The following NKIRAS1 variants were observed in gnomAD, a reference collection of about 807,000 sequenced individuals.
NKIRAS1 encodes NF-kappa-B inhibitor-interacting Ras-like protein 1.
NKIRAS1 carries 16 observed loss-of-function variants against 19.8 expected under a neutral mutation model. The observed-to-expected ratio is 0.81, with a 90% CI of 0.55 to 1.23. The LOEUF (loss-of-function observed/expected upper bound fraction) is 1.23. NKIRAS1 is among the 50% of genes most tolerant of loss of function. The pLI, the probability that NKIRAS1 is intolerant of heterozygous loss-of-function variation, is 0.00. For missense variants in NKIRAS1, 184 were observed against 220.0 expected, an observed-to-expected ratio of 0.84 and a Z score of 1.04; for synonymous variants, 88 against 79.0, an observed-to-expected ratio of 1.11 and a Z score of -0.61.
upstream of NKIRAS1, chr3:23,918,524 A>G: frequency 2.5e-6 from 4 of 1,614,044 alleles, no homozygotes; most frequent in Non-Finnish European, 3.4e-6. Flanking sequence ...AAGCCTGTCC[A>G]TCATGGTGTT....
chr3:23,912,470 G>A (rs1703854097), intron 1 of NKIRAS1, among the ~76,000 whole-genome samples: 1 of 152,168 alleles, frequency 6.6e-6, no homozygotes, highest in Non-Finnish European at 1.5e-5. Flanking sequence ...TCAGAGAAAT[G>A]CAAATCAAAA....
chr3:23,909,199 A>G (rs935270053), intron 3 of NKIRAS1, among the ~76,000 whole-genome samples: 2 of 152,204 alleles, frequency 1.3e-5, no homozygotes, highest in African/African-American at 2.4e-5. Flanking sequence ...CTAGAAGAGA[A>G]GCAGAGCACA....
chr3:23,898,800 G>A (rs1045385642), intron 4 of NKIRAS1, among the ~76,000 whole-genome samples: 2 of 152,116 alleles, frequency 1.3e-5, no homozygotes, highest in African/African-American at 4.8e-5. Flanking sequence ...GCTGGTACCA[G>A]TCCAGGGCCT....
intron 4 of NKIRAS1, among the ~76,000 whole-genome samples, chr3:23,898,068 G>A (rs1702153683): frequency 6.6e-6 from 1 of 152,070 alleles, no homozygotes; most frequent in Admixed American, 6.6e-5. Flanking sequence ...GTACGTGAGT[G>A]TTCATTGACC....
upstream of NKIRAS1, chr3:23,921,624 G>T (rs1454063478): frequency 2.9e-6 from 2 of 684,502 alleles, no homozygotes; most frequent in African/African-American, 1.8e-5. Flanking sequence ...ACTCAGGTGG[G>T]AGTGCAGTGG....
intron 1 of NKIRAS1, among the ~76,000 whole-genome samples, chr3:23,932,921 ATGTCCACTCCTAATAC>A (rs2125267611): frequency 6.6e-6 from 1 of 152,260 alleles, no homozygotes; most frequent in Non-Finnish European, 1.5e-5. Flanking sequence ...CCCTCCAATG[ATGTCCACTCCTAATAC>A]TGGAAATCTG....
chr3:23,920,507 A>G, upstream of NKIRAS1: 2 of 985,126 alleles, frequency 2.0e-6, no homozygotes, highest in Non-Finnish European at 2.4e-6. Context: ...GTATACCACC[A>G]CATTGCATTT....
intron 3 of NKIRAS1, among the ~76,000 whole-genome samples, chr3:23,906,844 T>C: frequency 6.6e-6 from 1 of 152,284 alleles, no homozygotes; most frequent in East Asian, 1.9e-4. Flanking sequence ...TAAATAATGG[T>C]AACCTCTTAT....
upstream of NKIRAS1, chr3:23,920,268 G>C: frequency 1.0e-6 from 1 of 985,746 alleles, no homozygotes; most frequent in Non-Finnish European, 1.2e-6. Flanking sequence ...TCACATTAGG[G>C]GGAAAGTAGT....
chr3:23,899,167 G>A (rs1702259948), intron 4 of NKIRAS1, among the ~76,000 whole-genome samples: 1 of 152,188 alleles, frequency 6.6e-6, no homozygotes. Flanking sequence ...AAGGGTTAAG[G>A]TGGGGGTGAA....
intron 1 of NKIRAS1, among the ~76,000 whole-genome samples, chr3:23,939,861 A>G (rs755454920): frequency 3.9e-5 from 6 of 152,274 alleles, no homozygotes; most frequent in Non-Finnish European, 7.3e-5. Flanking sequence ...TTTATACAAC[A>G]TGGACAAACT....
At chr3:23,917,497 CGGT>C (rs1339546351), upstream of NKIRAS1, 1 of 172,048 alleles carries the variant, frequency 5.8e-6, no homozygotes, top group Non-Finnish European at 1.2e-5. Flanking sequence ...AGTTAATCCT[CGGT>C]GGCCGCAGCA....
chr3:23,945,411 C>G (rs2125275199), intron 1 of NKIRAS1: 1 of 198,282 alleles, frequency 5.0e-6, no homozygotes, highest in African/African-American at 2.4e-5. Context: ...CTGCAGCCTG[C>G]TGTGCGCTGC....
chr3:23,905,778 T>G (rs1702970288), intron 3 of NKIRAS1, among the ~76,000 whole-genome samples: 1 of 126,520 alleles, frequency 7.9e-6, no homozygotes, highest in Admixed American at 8.5e-5. Flanking sequence ...CCCAGAAAAG[T>G]ACTGGAAAAT....
At chr3:23,908,790 A>C (rs1336974055) in intron 3 of NKIRAS1, among the ~76,000 whole-genome samples, 1 of 151,972 alleles carries the variant, frequency 6.6e-6, no homozygotes, top group East Asian at 1.9e-4. Flanking sequence ...CAGCATCTCA[A>C]GTAACTGGAA....
At chr3:23,896,686 G>T (rs1049469218) in intron 4 of NKIRAS1, among the ~76,000 whole-genome samples, 1 of 151,696 alleles carries the variant, frequency 6.6e-6, no homozygotes, top group Admixed American at 6.6e-5. Context: ...AAAAACAGGG[G>T]TGGGTGGATG....
intron 3 of NKIRAS1, among the ~76,000 whole-genome samples, chr3:23,907,094 A>T (rs967860927): frequency 2.0e-5 from 3 of 151,756 alleles, no homozygotes; most frequent in African/African-American, 7.3e-5. Flanking sequence ...GGGTTTCGCC[A>T]TGTTGGCCAT....
In NKIRAS1 at chr3:23,946,459, C is replaced by A. The variant is rs531333228; in HGVS notation, c.-276G>T. ...GGTGCTTCGATCCCGAGCGACTCCC[C>A]GCAGACTGGGTAGCACCGCCCCTGT... On this transcript the variant is annotated 5_prime_UTR_variant, in exon 1 of 5. Transcript: ENST00000421515. 97 of 236,070 alleles carry A rather than the reference C, an allele frequency of 4.1e-4. 1 individual carries two copies. The highest frequency in any genetic ancestry group is 7.1e-4 in the Admixed American group (11 of 15,390). The allele number at this position is 236,070 out of a possible 1,614,324, so 14.6% of individuals were successfully genotyped here. A position where few individuals can be genotyped will look rare whatever the true frequency, so the allele number is the denominator to read the frequency against.
At position 23,893,001 on chromosome 3, in the gene NKIRAS1, C is replaced by A; in HGVS notation, c.*94G>T. 1 of 1,326,782 alleles carries A rather than the reference C, an allele frequency of 7.5e-7. No individual in the cohort carries two copies. The highest frequency in any genetic ancestry group is 1.0e-6 in the Non-Finnish European group (1 of 996,430). The allele number at this position is 1,326,782 out of a possible 1,614,324, so 82.2% of individuals were successfully genotyped here. ...TTTTCCTAAGGACCAAAGGTAGATA[C>A]AAATGGCCTATTTTAAATAGTAATA... On this transcript the variant is annotated 3_prime_UTR_variant, in exon 5 of 5. Coordinates refer to ENST00000425478, the MANE Select transcript of NKIRAS1 (RefSeq NM_020345.4).
Sources: allele counts gnomAD v4.1 joint callset (sites outside exome capture counted in the v4.1 genomes callset), GRCh38; gene constraint gnomAD v4.1.1; transcripts MANE v1.5; gene names NCBI Gene and HGNC (gene_info 2026-07-23, HGNC 2026-07-21).